The following ANGPTL6 variants were observed in gnomAD, a reference collection of about 807,000 sequenced individuals.
The protein encoded by ANGPTL6 is angiopoietin-related protein 6.
Under a neutral mutation model 47.4 loss-of-function variants are expected in ANGPTL6, and 45 were observed. The ratio of observed to expected loss-of-function variants is 0.95; its 90% CI spans 0.75 to 1.22. The LOEUF (loss-of-function observed/expected upper bound fraction) is 1.22. Ranked by LOEUF, ANGPTL6 falls within the 50% of genes most tolerant of loss-of-function variation. ANGPTL6 has a pLI of 0.00. For synonymous variants in ANGPTL6, 290 were observed against 295.9 expected (o/e 0.98, Z 0.20); for missense variants, 698 against 669.4 (o/e 1.04, Z -0.47).
chr19:10,092,404 T>C lies in ANGPTL6; in HGVS notation c.*185A>G. ...AGATATGAATGACCTTGGGGAGCCATCTGAGGCCAAGATATTGACGGGGGG... is the reference window on the plus strand; with the variant it reads ...AGATATGAATGACCTTGGGGAGCCACCTGAGGCCAAGATATTGACGGGGGG... On this transcript the variant is annotated 3_prime_UTR_variant, in exon 6 of 6. Coordinates refer to ENST00000253109, the MANE Select transcript of ANGPTL6 (RefSeq NM_031917.3). The C allele has an allele frequency of 1.3e-6, 2 of 1,519,860 alleles. No homozygotes were observed. The highest frequency in any genetic ancestry group is 1.8e-6 in the Non-Finnish European group (2 of 1,137,104). 94.1% of individuals were successfully genotyped at this position (1,519,860 alleles called of 1,614,324 possible). A position where few individuals can be genotyped will look rare whatever the true frequency, so the allele number is the denominator to read the frequency against.
intron 1 of ANGPTL6, among the ~76,000 whole-genome samples, chr19:10,099,053 C>A (rs569393939): frequency 8.0e-4 from 122 of 152,284 alleles, no homozygotes; most frequent in Middle Eastern, 3.4e-3. Context: ...CTACTCCCCA[C>A]TGCCCCCAGA....
chr19:10,103,534 A>C (rs141706113), upstream of ANGPTL6, among the ~76,000 whole-genome samples: 1 of 151,024 alleles, frequency 6.6e-6, no homozygotes, highest in Non-Finnish European at 1.5e-5. Context: ...AGGTTGCAGT[A>C]AGCCGAGATC....
At chr19:10,093,029 A>G in intron 5 of ANGPTL6, 1 of 490,024 alleles carries the variant, frequency 2.0e-6, no homozygotes, top group East Asian at 3.1e-5. Flanking sequence ...TTTTCTGCAA[A>G]CTAGGAGTCT....
chr19:10,099,801 T>G (rs1032164155), intron 1 of ANGPTL6, among the ~76,000 whole-genome samples: 11 of 150,020 alleles, frequency 7.3e-5, no homozygotes, highest in Non-Finnish European at 1.0e-4. Context: ...TACCTCCATA[T>G]ACAAGCTCTC....
At chr19:10,097,664 T>TA (rs1196956880) in intron 1 of ANGPTL6, among the ~76,000 whole-genome samples, 1 of 151,772 alleles carries the variant, frequency 6.6e-6, no homozygotes, top group Non-Finnish European at 1.5e-5. Flanking sequence ...CCATCCTGGC[T>TA]AACACGGTGA....
intron 3 of ANGPTL6, chr19:10,094,524 G>T (rs1403099959): frequency 1.0e-5 from 6 of 594,128 alleles, no homozygotes; most frequent in Admixed American, 9.1e-5. Flanking sequence ...CTCTGAACCA[G>T]TTCAAACTCT....
intron 2 of ANGPTL6, among the ~76,000 whole-genome samples, chr19:10,095,275 G>C (rs1470765980): frequency 1.3e-5 from 2 of 152,226 alleles, no homozygotes; most frequent in Non-Finnish European, 2.9e-5. Flanking sequence ...AACTGAGTGT[G>C]TTGGCTCACG....
Position 10,096,107 on chromosome 19 carries a change from C to A in ANGPTL6, c.457G>T (p.Ala153Ser), listed in dbSNP as rs753407137. ...VLNASAEAQR[A>S]AARFHQLDVK... ...TCCAGCTGGTGGAACCGGGCGGCTG[C>A]GCGCTGAGCCTCGGCGGACGCGTTG... Residue 153 changes from alanine (A) to serine (S), a missense_variant, in exon 2 of 6, where the codon GCA (alanine) becomes TCA (serine). Transcript: ENST00000253109. The A allele has an allele frequency of 6.8e-7, 1 of 1,479,966 alleles. No individual in the cohort carries two copies. The highest frequency in any genetic ancestry group is 1.3e-5 in the South Asian group (1 of 77,746). 91.7% of individuals were successfully genotyped at this position (1,479,966 alleles called of 1,614,324 possible). A position where few individuals can be genotyped will look rare whatever the true frequency, so the allele number is the denominator to read the frequency against.
chr19:10,100,642 A>G (rs904397078), intron 1 of ANGPTL6, among the ~76,000 whole-genome samples: 3 of 152,204 alleles, frequency 2.0e-5, no homozygotes, highest in Non-Finnish European at 2.9e-5. Flanking sequence ...TTGAGTGCCT[A>G]TTGTGTGCCA....
Position 10,094,760 on chromosome 19 carries a change from A to C in ANGPTL6, c.761T>G (p.Val254Gly). The C allele has an allele frequency of 6.2e-7, 1 of 1,614,088 alleles. No homozygotes were observed. Among genetic ancestry groups the C allele is most frequent in the Non-Finnish European group, 8.5e-7 (1 of 1,179,992 alleles). Residue 254 changes from valine (V) to glycine (G), a missense_variant and splice_region_variant, in exon 3 of 6, where the codon GTG becomes GGG. Physicochemically the swap from Val to Gly is moderately radical, Grantham distance 109. Coordinates refer to ENST00000253109, the MANE Select transcript of ANGPTL6 (RefSeq NM_031917.3). The part of the protein sequence containing the change: ...AGHPAVPTKP[V>G]GPWQDCAEAR... ...CCTCAGCCCTAATGTCGACTTACCCACAGGCTTGGTGGGGACCGCAGGGTG... is the reference window on the plus strand; with the variant it reads ...CCTCAGCCCTAATGTCGACTTACCCCCAGGCTTGGTGGGGACCGCAGGGTG...
chr19:10,099,342 G>C (rs1214822637), intron 1 of ANGPTL6, among the ~76,000 whole-genome samples: 1 of 151,890 alleles, frequency 6.6e-6, no homozygotes, highest in African/African-American at 2.4e-5. Context: ...TTTGGGAGGC[G>C]GAGGCGGGCG....
upstream of ANGPTL6, among the ~76,000 whole-genome samples, chr19:10,103,600 TA>T (rs922742807): frequency 9.2e-5 from 3 of 32,490 alleles, no homozygotes; most frequent in African/African-American, 8.3e-4. Flanking sequence ...ATCTCAAAAA[TA>T]AATAAATAAA....
Position 10,096,090 on chromosome 19 carries a change from G to T in ANGPTL6, c.474C>A (p.His158Gln). 1 of 1,493,492 alleles carries T rather than the reference G, an allele frequency of 6.7e-7. No homozygotes were observed. Among genetic ancestry groups the T allele is most frequent in the Non-Finnish European group, 8.9e-7 (1 of 1,123,788 alleles). The allele number at this position is 1,493,492 out of a possible 1,614,324, so 92.5% of individuals were successfully genotyped here. A position where few individuals can be genotyped will look rare whatever the true frequency, so the allele number is the denominator to read the frequency against. ...GCTCGCGGAACTTGACGTCCAGCTG[G>T]TGGAACCGGGCGGCTGCGCGCTGAG... Reference protein sequence around the residue: ...AEAQRAAARFHQLDVKFRELA... With the variant: ...AEAQRAAARFQQLDVKFRELA... Residue 158 changes from histidine to glutamine, a missense_variant, in exon 2 of 6, where the codon CAC (histidine) becomes CAA (glutamine). Physicochemically the swap from His to Gln is conservative, Grantham distance 24. Transcript: ENST00000253109.
chr19:10,095,237 C>T (rs996045412), intron 2 of ANGPTL6, among the ~76,000 whole-genome samples: 1 of 152,094 alleles, frequency 6.6e-6, no homozygotes, highest in Non-Finnish European at 1.5e-5. Flanking sequence ...GTGAAACCTC[C>T]GTCTCTACTA....
intron 5 of ANGPTL6, 105 bp downstream of exon 5, chr19:10,093,244 T>C (rs955528766): frequency 7.1e-7 from 1 of 1,414,804 alleles, no homozygotes; most frequent in Non-Finnish European, 9.6e-7. Flanking sequence ...CTTATCCTTA[T>C]ACTTACCAGA....
chr19:10,103,432 A>G (rs1031253070), upstream of ANGPTL6, among the ~76,000 whole-genome samples: 14 of 151,522 alleles, frequency 9.2e-5, no homozygotes, highest in African/African-American at 3.4e-4. Flanking sequence ...TCTACTAACA[A>G]TACAAAAATT....
upstream of ANGPTL6, among the ~76,000 whole-genome samples, chr19:10,104,376 T>A (rs1191463657): frequency 6.6e-6 from 1 of 151,340 alleles, no homozygotes; most frequent in Non-Finnish European, 1.5e-5. Context: ...TGGTGGCCAG[T>A]AAGTTCCATG....
rs1405371616 is a variant in ANGPTL6, at chr19:10,096,341, G to A, written c.223C>T (p.Leu75=). 1.0e-5 allele frequency: 13 copies of A among 1,285,858 alleles called. No homozygotes were observed. 79.7% of individuals were successfully genotyped at this position (1,285,858 alleles called of 1,614,324 possible). A position where few individuals can be genotyped will look rare whatever the true frequency, so the allele number is the denominator to read the frequency against. The change falls in exon 2 of 6, where the codon CTG becomes TTG. Residue 75 remains leucine, a synonymous_variant. Coordinates refer to ENST00000253109, the MANE Select transcript of ANGPTL6 (RefSeq NM_031917.3). The part of the protein sequence containing the change: ...LRMRVGRHEE[L]LRELQRLAAA... Reference sequence around the variant, plus strand: ...GCCAGCCTCTGCAGCTCGCGTAACAGCTCCTCGTGGCGGCCGACGCGCATG... The same window carrying A: ...GCCAGCCTCTGCAGCTCGCGTAACAACTCCTCGTGGCGGCCGACGCGCATG...
rs771997420 is a variant in ANGPTL6, at chr19:10,093,458, G to A, written c.1113C>T (p.Asp371=). The change falls in exon 5 of 6, where the codon GAC becomes GAT. Residue 371 remains aspartate, a synonymous_variant. Transcript: ENST00000253109. The part of the protein sequence containing the change: ...YDGFSLEPES[D]HYRLRLGQYH... ...ACTGGCCAAGCCGCAGGCGGTAGTG[G>A]TCGCTCTCGGGTTCCAGGGAGAAGC... 1 of 1,614,096 alleles carries A rather than the reference G, an allele frequency of 6.2e-7. No homozygotes were observed. The highest frequency in any genetic ancestry group is 8.5e-7 in the Non-Finnish European group (1 of 1,180,056).
Sources: allele counts gnomAD v4.1 joint callset (sites outside exome capture counted in the v4.1 genomes callset), GRCh38; gene constraint gnomAD v4.1.1; transcripts MANE v1.5; gene names NCBI Gene and HGNC (gene_info 2026-07-23, HGNC 2026-07-21).